Variants in DIAPH2 observed in about 807,000 individuals in gnomAD.
DIAPH2 encodes diaphanous related formin 2.
Under a neutral mutation model 92.7 loss-of-function variants are expected in DIAPH2, and 35 were observed. The ratio of observed to expected loss-of-function variants is 0.38; its 90% CI spans 0.29 to 0.50. The LOEUF (loss-of-function observed/expected upper bound fraction) is 0.50, where lower values mean the gene tolerates loss of function less well. Ranked by LOEUF, DIAPH2 falls within the 20% of genes least tolerant of loss-of-function variation. The pLI is 0.94. For missense variants in DIAPH2, 701 were observed against 819.5 expected (o/e 0.86, Z 1.77); for synonymous variants, 301 against 280.4 (o/e 1.07, Z -0.73).
At chrX:96,871,702 A>G (rs2065144462) in intron 4 of DIAPH2, among the ~76,000 whole-genome samples, 1 of 111,689 alleles carries the variant, frequency 9.0e-6, no homozygotes, top group Non-Finnish European at 1.9e-5. Flanking sequence ...GAAACCAATC[A>G]TATTAAAATG....
At position 97,559,872 on chromosome X, in the gene DIAPH2, A is replaced by T. The variant is rs758796780; in HGVS notation, c.3242-39381A>T. 4.5e-5 allele frequency among the ~76,000 whole-genome samples: 5 copies of T among 112,147 alleles called. No individual in the cohort carries two copies. In the South Asian group the frequency reaches 1.1e-3, roughly 25 times the overall value. On this transcript the variant is annotated intron_variant, in intron 26 of 26. Coordinates refer to ENST00000324765, the MANE Select transcript of DIAPH2 (RefSeq NM_006729.5). Reference sequence around the variant, plus strand: ...TGACCTACCAGAAATTGGGATAGGTATCACTTCATGGAAAAAGACATCATG... The same window carrying T: ...TGACCTACCAGAAATTGGGATAGGTTTCACTTCATGGAAAAAGACATCATG...
chrX:97,098,759 C>T (rs958093227), intron 19 of DIAPH2, among the ~76,000 whole-genome samples: 1 of 112,686 alleles, frequency 8.9e-6, no homozygotes. Flanking sequence ...TAATCATATT[C>T]GTGAGGGCTC....
At chrX:97,462,731 T>G (rs944410135) in intron 26 of DIAPH2, among the ~76,000 whole-genome samples, 2 of 111,230 alleles carry the variant, frequency 1.8e-5, no homozygotes, top group African/African-American at 6.5e-5. Flanking sequence ...TACTCATTCT[T>G]AAGACCTGTG....
chrX:97,059,223 C>T (rs1280598591), intron 17 of DIAPH2, among the ~76,000 whole-genome samples: 3 of 111,868 alleles, frequency 2.7e-5, no homozygotes, highest in South Asian at 3.7e-4. Context: ...CACAATAGCT[C>T]ATGTCATATC....
intron 17 of DIAPH2, among the ~76,000 whole-genome samples, chrX:97,014,431 C>T (rs768819959): frequency 3.6e-5 from 4 of 111,994 alleles, no homozygotes; most frequent in South Asian, 3.7e-4. Flanking sequence ...ACTTCTGTTG[C>T]GTACTTTTCT....
At chrX:96,981,024 T>A (rs1253483535) in intron 17 of DIAPH2, among the ~76,000 whole-genome samples, 11 of 84,128 alleles carry the variant, frequency 1.3e-4, no homozygotes, top group East Asian at 3.2e-4. Flanking sequence ...AAAAAAAAAA[T>A]TGGCCAGGCA....
At chrX:97,356,193 A>G (rs918638492) in intron 24 of DIAPH2, among the ~76,000 whole-genome samples, 1 of 111,445 alleles carries the variant, frequency 9.0e-6, no homozygotes, top group African/African-American at 3.3e-5. Context: ...GAGACTAAAA[A>G]CTGTTTCAAC....
intron 26 of DIAPH2, among the ~76,000 whole-genome samples, chrX:97,559,857 G>A (rs2071282168): frequency 8.9e-6 from 1 of 112,008 alleles, no homozygotes; most frequent in African/African-American, 3.2e-5. Flanking sequence ...TGACCTACCA[G>A]AAATTGGGAT....
intron 20 of DIAPH2, 69 bp downstream of exon 20, chrX:97,099,864 A>C: frequency 1.9e-6 from 1 of 519,959 alleles, no homozygotes. Context: ...CAGTGAAAAG[A>C]CAAACATTTC....
intron 26 of DIAPH2, among the ~76,000 whole-genome samples, chrX:97,523,485 C>G (rs1014956819): frequency 1.1e-4 from 12 of 111,668 alleles, no homozygotes; most frequent in Non-Finnish European, 2.3e-4. Flanking sequence ...TTCCAATCAG[C>G]CAAAGGATGC....
intron 25 of DIAPH2, among the ~76,000 whole-genome samples, chrX:97,416,501 G>A (rs2069948617): frequency 8.9e-6 from 1 of 112,300 alleles, no homozygotes; most frequent in Admixed American, 9.4e-5. Context: ...TGGACTCAAA[G>A]ACACAAAGAT....
chrX:97,247,810 C>A lies in DIAPH2; in HGVS notation c.2815C>A (p.Gln939Lys), dbSNP rs1460444831. The A allele has an allele frequency of 9.9e-6, 12 of 1,207,039 alleles. No individual in the cohort carries two copies. The highest frequency in any genetic ancestry group is 1.3e-5 in the Non-Finnish European group (12 of 893,703). The change falls in exon 23 of 27, where the codon CAA becomes AAA. Residue 939 changes from glutamine (Q) to lysine (K), a missense_variant. Coordinates refer to ENST00000324765, the MANE Select transcript of DIAPH2 (RefSeq NM_006729.5). ...CAAGAAATTCCCCCAAGCAGAAAAT[C>A]AACACGATAAGTTTGTGGAAAAGAT... is the stretch of plus-strand genomic sequence containing the variant. Reference protein sequence around the residue: ...DIKKFPQAENQHDKFVEKMTS... With the variant: ...DIKKFPQAENKHDKFVEKMTS...
chrX:97,079,821 C>T (rs2066728961), intron 19 of DIAPH2, among the ~76,000 whole-genome samples: 1 of 111,235 alleles, frequency 9.0e-6, no homozygotes, highest in Non-Finnish European at 1.9e-5. Flanking sequence ...ATCATCAAAG[C>T]CAACACAAGA....
intron 23 of DIAPH2, among the ~76,000 whole-genome samples, chrX:97,299,402 G>A (rs1476351339): frequency 9.0e-6 from 1 of 111,594 alleles, no homozygotes; most frequent in Non-Finnish European, 1.9e-5. Flanking sequence ...AATGCTAGAT[G>A]GAAAAGTCAG....
chrX:97,309,287 C>T (rs1296645053), intron 23 of DIAPH2, among the ~76,000 whole-genome samples: 5 of 109,267 alleles, frequency 4.6e-5, no homozygotes, highest in Admixed American at 2.0e-4. Flanking sequence ...TTAGTAGAGA[C>T]GGGGTTTCAC....
At chrX:96,958,763 A>G (rs2065829078) in intron 16 of DIAPH2, among the ~76,000 whole-genome samples, 1 of 111,283 alleles carries the variant, frequency 9.0e-6, no homozygotes, top group Non-Finnish European at 1.9e-5. Context: ...TCTGGTAACT[A>G]TCATTCTATT....
chrX:96,803,085 G>A lies in DIAPH2; in HGVS notation c.447+44827G>A. ...TGGTGCCCACCCAGATTGAGGGTGGGTCTGCCTCTCCCAGTCCACTGACTC... is the reference window on the plus strand; with the variant it reads ...TGGTGCCCACCCAGATTGAGGGTGGATCTGCCTCTCCCAGTCCACTGACTC... On this transcript the variant is annotated intron_variant, in intron 4 of 26. Transcript: ENST00000324765. 3.6e-5 allele frequency among the ~76,000 whole-genome samples: 4 copies of A among 110,871 alleles called. No homozygotes were observed. The Middle Eastern group carries it at 0.019, about 518-fold the overall frequency.
At chrX:97,275,687 G>A (rs1204542921) in intron 23 of DIAPH2, among the ~76,000 whole-genome samples, 1 of 106,959 alleles carries the variant, frequency 9.3e-6, no homozygotes, top group Admixed American at 9.8e-5. Flanking sequence ...ACGGGGCGGC[G>A]GGGCAGAGGC....
intron 23 of DIAPH2, among the ~76,000 whole-genome samples, chrX:97,298,781 A>AT (rs1035214122): frequency 1.1e-4 from 12 of 108,166 alleles, no homozygotes; most frequent in African/African-American, 2.0e-4. Context: ...CGCCCAGCTA[A>AT]TTTTTTTTTG....
Sources: allele counts gnomAD v4.1 joint callset (sites outside exome capture counted in the v4.1 genomes callset), GRCh38; gene constraint gnomAD v4.1.1; transcripts MANE v1.5; gene names NCBI Gene and HGNC (gene_info 2026-07-23, HGNC 2026-07-21).